NDUFAF6: variants seen among roughly 807,000 people sequenced by gnomAD.
The protein encoded by NDUFAF6 is NADH:ubiquinone oxidoreductase complex assembly factor 6, also known as NADH dehydrogenase (ubiquinone) complex I, assembly factor 6.
In NDUFAF6, 45 loss-of-function variants were observed where a neutral mutation model predicts 40.8. The ratio of observed to expected loss-of-function variants is 1.10; its 90% CI spans 0.87 to 1.42. The LOEUF is 1.42. NDUFAF6 is among the 40% of genes most tolerant of loss of function. The pLI, the probability that NDUFAF6 is intolerant of heterozygous loss-of-function variation, is 0.00. For missense variants in NDUFAF6, 435 were observed against 418.5 expected, an observed-to-expected ratio of 1.04 and a Z score of -0.34; for synonymous variants, 185 against 155.9, an observed-to-expected ratio of 1.19 and a Z score of -1.39.
intron 2 of NDUFAF6, among the ~76,000 whole-genome samples, chr8:95,015,473 C>T (rs1170442286): frequency 6.6e-6 from 1 of 152,072 alleles, no homozygotes; most frequent in Non-Finnish European, 1.5e-5. Flanking sequence ...TTTAATTTAC[C>T]CAGGGAACAA....
chr8:95,033,541 G>A (rs1587038969), intron 2 of NDUFAF6, among the ~76,000 whole-genome samples: 2 of 152,196 alleles, frequency 1.3e-5, no homozygotes, highest in South Asian at 4.1e-4. Context: ...ATAAAACAGG[G>A]TCTGCACTCA....
At chr8:95,116,999 T>G (rs1034356989), downstream of NDUFAF6, among the ~76,000 whole-genome samples, 6 of 152,198 alleles carry the variant, frequency 3.9e-5, no homozygotes, top group Admixed American at 1.3e-4. Flanking sequence ...ATATGTTTCC[T>G]TGTTCATGAC....
At chr8:95,049,364 T>A (rs1831178811) in intron 7 of NDUFAF6, among the ~76,000 whole-genome samples, 1 of 152,220 alleles carries the variant, frequency 6.6e-6, no homozygotes, top group Admixed American at 6.5e-5. Flanking sequence ...ACCTCTTAAC[T>A]TTTCCAGGAC....
At chr8:95,076,892 T>C (rs1331448692), downstream of NDUFAF6, among the ~76,000 whole-genome samples, 3 of 99,782 alleles carry the variant, frequency 3.0e-5, no homozygotes, top group Non-Finnish European at 4.2e-5. Context: ...AAAAAAAAAA[T>C]TCATAGCACC....
chr8:95,046,015 TAGA>T (rs1342160563), intron 5 of NDUFAF6, among the ~76,000 whole-genome samples: 9 of 151,344 alleles, frequency 5.9e-5, no homozygotes, highest in African/African-American at 1.5e-4. Context: ...AAAAGAAAAG[TAGA>T]AGAAGTAAAA....
intron 1 of NDUFAF6, among the ~76,000 whole-genome samples, chr8:94,934,931 T>C (rs770775161): frequency 2.8e-4 from 42 of 152,086 alleles, no homozygotes; most frequent in Non-Finnish European, 4.9e-4. Context: ...TCATGTAACA[T>C]AAGAAAGTTG....
At chr8:94,952,580 C>G (rs752196506) in intron 2 of NDUFAF6, among the ~76,000 whole-genome samples, 9 of 152,218 alleles carry the variant, frequency 5.9e-5, no homozygotes, top group Admixed American at 3.3e-4. Context: ...AAGGATCTGA[C>G]TGGGTCTCCA....
At chr8:95,035,626 C>A in intron 3 of NDUFAF6, 50 bp downstream of exon 3, 1 of 1,558,582 alleles carries the variant, frequency 6.4e-7, no homozygotes, top group Non-Finnish European at 8.8e-7. Context: ...TTATTCGAGT[C>A]TACTTTTTGA....
intron 6 of NDUFAF6, 125 bp from the exon 7 acceptor site, chr8:95,048,332 C>A: frequency 1.4e-6 from 1 of 732,034 alleles, no homozygotes; most frequent in Non-Finnish European, 2.5e-6. Flanking sequence ...ACTGTACATA[C>A]TGTTCTGTCA....
intron 7 of NDUFAF6, among the ~76,000 whole-genome samples, chr8:95,050,845 C>T (rs1340035795): frequency 6.6e-6 from 1 of 152,130 alleles, no homozygotes; most frequent in Non-Finnish European, 1.5e-5. Context: ...AGTAGAATCC[C>T]ACACGTAACA....
Position 94,930,766 on chromosome 8 carries a change from A to C in NDUFAF6, c.-935-14717A>C, listed in dbSNP as rs570238273. 1.3e-4 allele frequency: 206 copies of C among 1,599,522 alleles called. 4 individuals carry two copies. In the South Asian group the frequency reaches 2.2e-3, roughly 17 times the overall value. ...AAAGTGGGGATGTATTAAATAACAGAGTATGTTATTAACAAAACTGGAAAA... is the reference window on the plus strand; with the variant it reads ...AAAGTGGGGATGTATTAAATAACAGCGTATGTTATTAACAAAACTGGAAAA... On this transcript the variant is annotated intron_variant, in intron 1 of 14. Transcript: ENST00000396113.
chr8:95,045,440 G>A, intron 4 of NDUFAF6, 105 bp from the exon 5 acceptor site: 1 of 761,206 alleles, frequency 1.3e-6, no homozygotes, highest in Non-Finnish European at 2.3e-6. Flanking sequence ...AACATATACT[G>A]AATATTTTTA....
At chr8:95,064,038 A>ATTTTTTTTTTTTTTTTT (rs1160777112) in intron 9 of NDUFAF6, among the ~76,000 whole-genome samples, 3 of 104,808 alleles carry the variant, frequency 2.9e-5, no homozygotes, top group Non-Finnish European at 5.9e-5. Flanking sequence ...CGCCTGGCTA[A>ATTTTTTTTTTTTTTTTT]TTTTTTTTTT....
At chr8:95,011,040 C>T (rs1305723163) in intron 2 of NDUFAF6, among the ~76,000 whole-genome samples, 2 of 152,178 alleles carry the variant, frequency 1.3e-5, no homozygotes, top group East Asian at 3.9e-4. Context: ...ATCACTGCTG[C>T]GGGCCGCCCT....
In NDUFAF6 at chr8:94,897,751, A is replaced by G. The variant is rs545761607; in HGVS notation, c.-936+1824A>G. Among the ~76,000 whole-genome samples, 6 of 144,790 alleles carry G rather than the reference A, an allele frequency of 4.1e-5. No individual in the cohort carries two copies. In the East Asian group the frequency reaches 1.2e-3, roughly 29 times the overall value. The allele number at this position is 144,790 out of a possible 152,430, so 95.0% of individuals were successfully genotyped here. A position where few individuals can be genotyped will look rare whatever the true frequency, so the allele number is the denominator to read the frequency against. On this transcript the variant is annotated intron_variant, in intron 1 of 14. Coordinates refer to the NDUFAF6 transcript ENST00000396113. ...TATCTCCTCTGTCGAAGCTTCACAG[A>G]TCCTTTTCCCTGTGCTACAGTTATG...
chr8:95,110,644 A>G (rs899311637), intron 4 of NDUFAF6, among the ~76,000 whole-genome samples: 4 of 152,238 alleles, frequency 2.6e-5, no homozygotes, highest in African/African-American at 9.7e-5. Flanking sequence ...CTGGGATTTG[A>G]ATCCAGAAAA....
intron 1 of NDUFAF6, among the ~76,000 whole-genome samples, chr8:95,030,847 C>G (rs1828742358): frequency 6.6e-6 from 1 of 152,208 alleles, no homozygotes. Flanking sequence ...GCACCAGTAT[C>G]TGCTCAGCTT....
chr8:95,047,030 A>G lies in NDUFAF6; in HGVS notation c.617A>G (p.His206Arg), dbSNP rs748324738. 64 of 1,614,054 alleles carry G rather than the reference A, an allele frequency of 4.0e-5. No homozygotes were observed. Among genetic ancestry groups the G allele is most frequent in the Non-Finnish European group, 5.3e-5 (62 of 1,180,030 alleles). ...CTTCATGCAGATCATGCTGCAAGTCATATTGGAAAAGCACAAGGCATTGTC... is the reference window on the plus strand; with the variant it reads ...CTTCATGCAGATCATGCTGCAAGTCGTATTGGAAAAGCACAAGGCATTGTC... ...KDLHADHAAS[H>R]IGKAQGIVTC... Residue 206 changes from histidine to arginine, a missense_variant, in exon 6 of 9, where the codon CAT becomes CGT. Physicochemically the swap from His to Arg is conservative, Grantham distance 29. Transcript: ENST00000396124.
Position 94,945,293 on chromosome 8 carries a change from G to A in NDUFAF6, c.-935-190G>A, listed in dbSNP as rs572662065. On this transcript the variant is annotated intron_variant, in intron 1 of 14. Transcript: ENST00000396113. ...GTATATGTAAAGTACACACTAGAGT[G>A]TATTTCAAAGACTTAGTACCCCCCA... Among the ~76,000 whole-genome samples the A allele has an allele frequency of 2.6e-5, 4 of 152,144 alleles. 1 individual carries two copies. The East Asian group carries it at 5.8e-4, about 22-fold the overall frequency.
Sources: gnomAD v4.1 joint callset for allele counts (sites outside exome capture counted in the v4.1 genomes callset) on GRCh38, gnomAD v4.1.1 for gene constraint, MANE v1.5 for transcripts, NCBI Gene and HGNC (gene_info 2026-07-23, HGNC 2026-07-21) for gene names.